Variants in PSMA2 observed in about 807,000 individuals in gnomAD.
PSMA2 encodes proteasome subunit alpha type-2.
A neutral mutation model predicts 35.9 loss-of-function variants in PSMA2; 2 were observed. The ratio of observed to expected loss-of-function variants is 0.06; its 90% CI spans 0.02 to 0.18. PSMA2 has a LOEUF of 0.18. Ranked by LOEUF, PSMA2 falls within the 10% of genes least tolerant of loss-of-function variation. The pLI is 1.00. For missense variants in PSMA2, 126 were observed against 278.8 expected (o/e 0.45, Z 3.90); for synonymous variants, 97 against 98.2 (o/e 0.99, Z 0.07).
chr7:42,930,945 G>T (rs1399565451), intron 1 of PSMA2, among the ~76,000 whole-genome samples: 1 of 152,082 alleles, frequency 6.6e-6, no homozygotes, highest in Admixed American at 6.5e-5. Context: ...CTCGTTCAAA[G>T]GTTACAAAAA....
At chr7:42,930,206 AACACACACACACACACACGCAC>A (rs1319241609) in intron 1 of PSMA2, among the ~76,000 whole-genome samples, 3 of 149,214 alleles carry the variant, frequency 2.0e-5, no homozygotes, top group Non-Finnish European at 3.0e-5. Context: ...ACCATGTTAA[AACACACACACACACACACGCAC>A]ACACACACAC....
chr7:42,930,200 T>G (rs1352580443), intron 1 of PSMA2, among the ~76,000 whole-genome samples: 1 of 104,910 alleles, frequency 9.5e-6, no homozygotes, highest in Non-Finnish European at 1.9e-5. Flanking sequence ...GAATCCACCA[T>G]GTTAAAACAC....
chr7:42,923,486 T>C (rs1786158916), intron 4 of PSMA2, 80 bp from the exon 5 acceptor site: 3 of 1,053,806 alleles, frequency 2.8e-6, no homozygotes. Flanking sequence ...TACTCTCAAA[T>C]AAAGCAAATT....
intron 1 of PSMA2, among the ~76,000 whole-genome samples, chr7:42,931,696 A>G (rs937646154): frequency 6.6e-6 from 1 of 152,220 alleles, no homozygotes; most frequent in African/African-American, 2.4e-5. Context: ...TTTTCCAAGA[A>G]AAGGGAACCC....
intron 6 of PSMA2, chr7:42,919,298 G>A (rs576724246): frequency 1.8e-4 from 111 of 610,024 alleles, no homozygotes; most frequent in Non-Finnish European, 3.1e-4. Context: ...TTCACAAAGT[G>A]TGGGATGCTA....
intron 6 of PSMA2, chr7:42,921,496 C>A (rs1186861531): frequency 6.2e-6 from 1 of 160,828 alleles, no homozygotes; most frequent in East Asian, 1.8e-4. Context: ...CTGTCGTAAA[C>A]TGTTATCATT....
At chr7:42,931,348 C>T (rs1157999166) in intron 1 of PSMA2, among the ~76,000 whole-genome samples, 1 of 152,184 alleles carries the variant, frequency 6.6e-6, no homozygotes, top group African/African-American at 2.4e-5. Context: ...TTTTAAAAGT[C>T]TTCGGCGATG....
chr7:42,920,263 A>C, intron 6 of PSMA2: 1 of 228,296 alleles, frequency 4.4e-6, no homozygotes, highest in Non-Finnish European at 8.7e-6. Context: ...CCATAAGTGA[A>C]ATCTCAAGAG....
chr7:42,931,968 G>T, intron 1 of PSMA2, 150 bp downstream of exon 1: 1 of 1,059,590 alleles, frequency 9.4e-7, no homozygotes, highest in Non-Finnish European at 1.4e-6. Context: ...GGGTCGGCCT[G>T]GCAAATGACT....
intron 1 of PSMA2, among the ~76,000 whole-genome samples, chr7:42,930,413 G>A (rs1307983095): frequency 6.6e-6 from 1 of 151,810 alleles, no homozygotes; most frequent in Non-Finnish European, 1.5e-5. Context: ...GCACATGCCT[G>A]GCTAATTTTT....
chr7:42,923,602 GC>G (rs1490219755), intron 4 of PSMA2, among the ~76,000 whole-genome samples, 196 bp from the exon 5 acceptor site: 1 of 152,170 alleles, frequency 6.6e-6, no homozygotes, highest in Non-Finnish European at 1.5e-5. Context: ...AGGAATGGTA[GC>G]CAAATAAAAA....
At chr7:42,922,037 G>A in intron 5 of PSMA2, 106 bp from the exon 6 acceptor site, 1 of 810,644 alleles carries the variant, frequency 1.2e-6, no homozygotes, top group Non-Finnish European at 2.0e-6. Flanking sequence ...TAACTTCGAA[G>A]GTCACAGAAT....
intron 1 of PSMA2, among the ~76,000 whole-genome samples, chr7:42,930,243 ACACAC>A (rs1786280353): frequency 6.6e-6 from 1 of 150,952 alleles, no homozygotes. Flanking sequence ...ACACACACAC[ACACAC>A]AAGTTTGGTT....
intron 1 of PSMA2, among the ~76,000 whole-genome samples, chr7:42,928,114 G>GT (rs1786241984): frequency 6.6e-6 from 1 of 152,100 alleles, no homozygotes; most frequent in South Asian, 2.1e-4. Context: ...CTGGTTTTCC[G>GT]TATCAGTGGA....
chr7:42,929,087 AT>A (rs1306731543), intron 1 of PSMA2, among the ~76,000 whole-genome samples: 15 of 151,838 alleles, frequency 9.9e-5, no homozygotes, highest in African/African-American at 3.6e-4. Context: ...TTTTTACAAT[AT>A]TTGTCTTCCT....
chr7:42,927,360 AAATG>A lies in PSMA2; in HGVS notation c.118+19_118+22del. The A allele has an allele frequency of 6.3e-7, 1 of 1,595,920 alleles. No individual in the cohort carries two copies. Among genetic ancestry groups the A allele is most frequent in the Non-Finnish European group, 8.6e-7 (1 of 1,163,492 alleles). ...TAGGATAACTACTAACAGGCATCTGAAATGAATGAAGCATTTCATTACCTTTAAT... is the reference window on the plus strand; with the variant it reads ...TAGGATAACTACTAACAGGCATCTGAAATGAAGCATTTCATTACCTTTAAT... On this transcript the variant is annotated intron_variant, in intron 2 of 7. Transcript: ENST00000223321.
At chr7:42,921,603 A>G (rs1413038313) in intron 6 of PSMA2, 3 of 313,462 alleles carry the variant, frequency 9.6e-6, no homozygotes, top group South Asian at 1.5e-4. Flanking sequence ...AGTAAAAAGT[A>G]AAAAAACCAA....
At chr7:42,919,326 A>G in intron 6 of PSMA2, 1 of 585,782 alleles carries the variant, frequency 1.7e-6, no homozygotes, top group Non-Finnish European at 3.4e-6. Flanking sequence ...AGATGAACTG[A>G]TGACCCTGGC....
Position 42,927,422 on chromosome 7 carries a change from C to T in PSMA2, c.79G>A (p.Ala27Thr). 1 of 1,614,140 alleles carries T rather than the reference C, an allele frequency of 6.2e-7. No homozygotes were observed. Among genetic ancestry groups the T allele is most frequent in the African/African-American group, 1.3e-5 (1 of 75,044 alleles). ...GACGGGGCTCCTCCAGCTACAGCAG[C>T]CAAAGCATATTCAATCTGGACAAGT... ...GKLVQIEYAL[A>T]AVAGGAPSVG... is the part of the protein sequence containing the mutation. The change falls in exon 2 of 8, where the codon GCT becomes ACT. Residue 27 changes from alanine (A) to threonine (T), a missense_variant. Around this residue, in one of 3 missense-constraint regions of PSMA2, gnomAD observed 78 missense variants for 151.1 expected, o/e 0.52. Transcript: ENST00000223321.
Sources: gnomAD v4.1 joint callset for allele counts (sites outside exome capture counted in the v4.1 genomes callset) on GRCh38, gnomAD v4.1.1 for gene constraint, gnomAD v4.1.1 regional missense constraint, MANE v1.5 for transcripts, NCBI Gene and HGNC (gene_info 2026-07-23, HGNC 2026-07-21) for gene names.